Variants in MEOX2 observed in about 807,000 individuals in gnomAD.
MEOX2 encodes homeobox protein MOX-2.
MEOX2 carries 11 observed loss-of-function variants against 27.0 expected under a neutral mutation model. That is an observed-to-expected ratio of 0.41 (90% CI 0.26 to 0.68). The LOEUF is 0.68. Ranked by LOEUF, MEOX2 falls within the 30% of genes least tolerant of loss-of-function variation. The pLI is 0.33. For synonymous variants in MEOX2, 189 were observed against 155.4 expected (o/e 1.22, Z -1.61); for missense variants, 436 against 385.4 (o/e 1.13, Z -1.10).
chr7:15,674,821 G>A (rs1398680743), intron 1 of MEOX2, among the ~76,000 whole-genome samples: 3 of 151,974 alleles, frequency 2.0e-5, no homozygotes, highest in Non-Finnish European at 1.5e-5. Flanking sequence ...GAACAGGAGA[G>A]GAGGAGAAAC....
At chr7:15,685,678 G>A (rs1255129696) in intron 1 of MEOX2, among the ~76,000 whole-genome samples, 6 of 152,308 alleles carry the variant, frequency 3.9e-5, no homozygotes, top group African/African-American at 1.4e-4. Context: ...AGAGCTGCTG[G>A]CTGTATACGC....
intron 1 of MEOX2, among the ~76,000 whole-genome samples, chr7:15,633,562 T>C (rs984864850): frequency 1.3e-5 from 2 of 151,924 alleles, no homozygotes; most frequent in African/African-American, 4.8e-5. Context: ...AGTAAAACCC[T>C]TGGACATGCA....
chr7:15,625,473 A>T (rs1379622706), intron 2 of MEOX2, among the ~76,000 whole-genome samples: 1 of 152,220 alleles, frequency 6.6e-6, no homozygotes, highest in Non-Finnish European at 1.5e-5. Context: ...ACTACCCATA[A>T]ATAACCTACC....
intron 1 of MEOX2, among the ~76,000 whole-genome samples, chr7:15,659,319 A>C (rs1253612183): frequency 2.0e-5 from 3 of 152,226 alleles, no homozygotes; most frequent in African/African-American, 7.2e-5. Context: ...CAATTTTCAT[A>C]TATTTATATG....
At chr7:15,672,691 G>C (rs1040133020) in intron 1 of MEOX2, among the ~76,000 whole-genome samples, 13 of 152,002 alleles carry the variant, frequency 8.6e-5, no homozygotes, top group African/African-American at 2.4e-4. Context: ...AGGAGATCAA[G>C]ACCATCCTGG....
chr7:15,660,323 G>T (rs957937688), intron 1 of MEOX2, among the ~76,000 whole-genome samples: 1 of 151,952 alleles, frequency 6.6e-6, no homozygotes, highest in South Asian at 2.1e-4. Flanking sequence ...TGAGCAACAG[G>T]GAGTATAAAT....
rs1336093079 is a variant in MEOX2, at chr7:15,612,080, C to T, written c.*307G>A. 2 of 366,064 alleles carry T rather than the reference C, an allele frequency of 5.5e-6. No individual in the cohort carries two copies. The highest frequency in any genetic ancestry group is 4.1e-5 in the Admixed American group (1 of 24,576). The allele number at this position is 366,064 out of a possible 1,614,324, so 22.7% of individuals were successfully genotyped here. A position where few individuals can be genotyped will look rare whatever the true frequency, so the allele number is the denominator to read the frequency against. Reference sequence around the variant, plus strand: ...AATAAAAAACCGTTCATAGTTTGCTCTTGATAGCAATTTAATTTTCAGTGC... The same window carrying T: ...AATAAAAAACCGTTCATAGTTTGCTTTTGATAGCAATTTAATTTTCAGTGC... On this transcript the variant is annotated 3_prime_UTR_variant, in exon 3 of 3. Transcript: ENST00000262041.
intron 1 of MEOX2, among the ~76,000 whole-genome samples, chr7:15,647,654 G>A (rs754409317): frequency 2.0e-5 from 3 of 152,056 alleles, no homozygotes; most frequent in Non-Finnish European, 2.9e-5. Context: ...TAATGGCAAT[G>A]CTAGATGGCT....
chr7:15,621,062 A>G (rs1583741465), intron 2 of MEOX2, among the ~76,000 whole-genome samples: 1 of 152,280 alleles, frequency 6.6e-6, no homozygotes, highest in South Asian at 2.1e-4. Context: ...CTGGATGGAG[A>G]AAAAAACGCC....
At chr7:15,684,034 ATAAAT>A (rs1213890896) in intron 1 of MEOX2, among the ~76,000 whole-genome samples, 1 of 152,218 alleles carries the variant, frequency 6.6e-6, no homozygotes, top group Non-Finnish European at 1.5e-5. Context: ...AATTATTAAA[ATAAAT>A]TAAGGGAATC....
At chr7:15,675,112 C>G in intron 1 of MEOX2, among the ~76,000 whole-genome samples, 1 of 152,046 alleles carries the variant, frequency 6.6e-6, no homozygotes, top group East Asian at 1.9e-4. Context: ...AAACAAAAAA[C>G]AGATACTTCA....
rs1435742270 is a variant in MEOX2 at position 15,612,066 on chromosome 7, G to A, written c.*321C>T. ...CTGGAGACATCTTGAATAAAAAACCGTTCATAGTTTGCTCTTGATAGCAAT... is the reference window on the plus strand; with the variant it reads ...CTGGAGACATCTTGAATAAAAAACCATTCATAGTTTGCTCTTGATAGCAAT... On this transcript the variant is annotated 3_prime_UTR_variant, in exon 3 of 3. Coordinates refer to ENST00000262041, the MANE Select transcript of MEOX2 (RefSeq NM_005924.5). The A allele has an allele frequency of 6.2e-6, 2 of 320,030 alleles. No homozygotes were observed. The highest frequency in any genetic ancestry group is 1.2e-5 in the Non-Finnish European group (2 of 169,826). 19.8% of individuals were successfully genotyped at this position (320,030 alleles called of 1,614,324 possible).
intron 2 of MEOX2, among the ~76,000 whole-genome samples, chr7:15,624,312 A>G (rs1005268450): frequency 2.6e-5 from 4 of 152,230 alleles, no homozygotes; most frequent in Admixed American, 6.5e-5. Context: ...TATATTGTGC[A>G]CAATAACAAA....
chr7:15,618,151 T>C (rs1781151781), intron 2 of MEOX2, among the ~76,000 whole-genome samples: 1 of 152,016 alleles, frequency 6.6e-6, no homozygotes, highest in Non-Finnish European at 1.5e-5. Flanking sequence ...TGTTTTCCTT[T>C]ATACCTGGTA....
At chr7:15,669,653 A>G (rs1391476260) in intron 1 of MEOX2, among the ~76,000 whole-genome samples, 2 of 152,234 alleles carry the variant, frequency 1.3e-5, no homozygotes, top group East Asian at 1.9e-4. Context: ...ACAGGCCCAG[A>G]TGTTTCACGG....
At chr7:15,621,428 T>C (rs1258067744) in intron 2 of MEOX2, among the ~76,000 whole-genome samples, 2 of 152,184 alleles carry the variant, frequency 1.3e-5, no homozygotes, top group Non-Finnish European at 2.9e-5. Flanking sequence ...CAGATGAAGT[T>C]CAAACAGAAT....
intron 1 of MEOX2, chr7:15,677,361 G>A (rs145344864): frequency 6.6e-6 from 1 of 152,282 alleles, no homozygotes; most frequent in African/African-American, 2.4e-5. Flanking sequence ...TTAAATTTGT[G>A]GCCAAGAGGT....
intron 1 of MEOX2, among the ~76,000 whole-genome samples, chr7:15,635,851 T>G (rs1781471865): frequency 6.6e-6 from 1 of 151,982 alleles, no homozygotes; most frequent in Non-Finnish European, 1.5e-5. Flanking sequence ...AATTACAATT[T>G]TCCAAGGAAC....
intron 1 of MEOX2, among the ~76,000 whole-genome samples, chr7:15,635,159 A>G (rs1044351847): frequency 1.1e-4 from 17 of 152,056 alleles, no homozygotes; most frequent in Admixed American, 3.3e-4. Flanking sequence ...TCTCTACCTG[A>G]GAAAAGTGAG....
Sources: gnomAD v4.1 joint callset for allele counts (sites outside exome capture counted in the v4.1 genomes callset) on GRCh38, gnomAD v4.1.1 for gene constraint, MANE v1.5 for transcripts, NCBI Gene and HGNC (gene_info 2026-07-23, HGNC 2026-07-21) for gene names.